Variants in NCOR1 observed in about 807,000 individuals in gnomAD.
The protein encoded by NCOR1 is protein phosphatase 1, regulatory subunit 109.
Under a neutral mutation model 288.1 loss-of-function variants are expected in NCOR1, and 63 were observed. The observed-to-expected ratio is 0.22, with a 90% CI of 0.18 to 0.27. The LOEUF (loss-of-function observed/expected upper bound fraction) is 0.27, where lower values mean the gene tolerates loss of function less well. Ranked by LOEUF, NCOR1 falls within the 10% of genes least tolerant of loss-of-function variation. NCOR1 has a pLI of 1.00. For synonymous variants in NCOR1, 1,007 were observed against 1,065.9 expected (o/e 0.94, Z 1.08); for missense variants, 2,397 against 3,019.2 (o/e 0.79, Z 4.83).
At chr17:16,070,802 G>A (rs753912844) in intron 30 of NCOR1, among the ~76,000 whole-genome samples, 1 of 152,148 alleles carries the variant, frequency 6.6e-6, no homozygotes, top group Non-Finnish European at 1.5e-5. Context: ...GGCTGAGGTG[G>A]GCAGATCACC....
intron 26 of NCOR1, among the ~76,000 whole-genome samples, chr17:16,079,252 G>A (rs983820436): frequency 6.6e-6 from 1 of 152,016 alleles, no homozygotes; most frequent in Non-Finnish European, 1.5e-5. Flanking sequence ...CCTGGTGTGG[G>A]GATCATACTT....
intron 1 of NCOR1, among the ~76,000 whole-genome samples, chr17:16,215,104 C>A (rs547691951): frequency 1.3e-5 from 2 of 152,312 alleles, no homozygotes; most frequent in East Asian, 3.9e-4. Context: ...AGCCCCGGCC[C>A]GGCCACAGCC....
chr17:16,140,489 C>A (rs1011225585), intron 11 of NCOR1, among the ~76,000 whole-genome samples: 2 of 152,052 alleles, frequency 1.3e-5, no homozygotes, highest in Non-Finnish European at 2.9e-5. Context: ...TATAGTGAGA[C>A]CCCATCTCTA....
chr17:16,073,551 T>G lies in NCOR1; in HGVS notation c.3689A>C (p.Glu1230Ala), dbSNP rs1475168914. 1 of 1,607,514 alleles carries G rather than the reference T, an allele frequency of 6.2e-7. No individual in the cohort carries two copies. ...LSYDNIKNAR[E>A]GTRSPRTAHE... Reference sequence around the variant, plus strand: ...AGCTGTTCTTGGACTCCTAGTCCCTTCTCGGGCATTCTTAATATCTACAGA... The same window carrying G: ...AGCTGTTCTTGGACTCCTAGTCCCTGCTCGGGCATTCTTAATATCTACAGA... Residue 1230 changes from glutamate to alanine, a missense_variant, in exon 28 of 46, where the codon GAA (glutamate) becomes GCA (alanine). By Grantham distance (107) the Glu-to-Ala change is moderately radical (BLOSUM62 -1). Around this residue, in one of 11 missense-constraint regions of NCOR1, gnomAD observed 1,872 missense variants for 2,187.8 expected, o/e 0.86. Transcript: ENST00000268712.
intron 23 of NCOR1, 93 bp from the exon 24 acceptor site, chr17:16,080,820 T>TAAA: frequency 1.2e-5 from 11 of 927,402 alleles, no homozygotes; most frequent in South Asian, 2.4e-5. Flanking sequence ...CATTTCTGTT[T>TAAA]AAAAAAAAAA....
chr17:16,069,513 T>C (rs1480361693), intron 31 of NCOR1, among the ~76,000 whole-genome samples: 3 of 152,222 alleles, frequency 2.0e-5, no homozygotes, highest in Non-Finnish European at 4.4e-5. Flanking sequence ...TAGGGACCAC[T>C]TGGTAAAAAT....
At chr17:16,114,210 C>T (rs1186346619) in intron 18 of NCOR1, among the ~76,000 whole-genome samples, 1 of 149,152 alleles carries the variant, frequency 6.7e-6, no homozygotes, top group African/African-American at 2.5e-5. Flanking sequence ...CAGTAGATCT[C>T]CTAAGACTTA....
At chr17:16,171,700 A>C in intron 4 of NCOR1, 103 bp downstream of exon 4, 2 of 1,083,652 alleles carry the variant, frequency 1.8e-6, no homozygotes, top group Non-Finnish European at 2.5e-6. Context: ...ACTAACCTTT[A>C]GAGACTGGTG....
chr17:16,072,738 T>C (rs1400815942), intron 28 of NCOR1, among the ~76,000 whole-genome samples: 1 of 152,216 alleles, frequency 6.6e-6, no homozygotes, highest in Non-Finnish European at 1.5e-5. Flanking sequence ...ACAGTAAAAG[T>C]GTGTGTTTTT....
intron 1 of NCOR1, among the ~76,000 whole-genome samples, chr17:16,195,246 G>A (rs916104803): frequency 7.9e-5 from 12 of 152,180 alleles, no homozygotes; most frequent in African/African-American, 2.9e-4. Context: ...TGAGGTAGGT[G>A]GATCACTTGA....
At chr17:16,058,191 T>C in intron 38 of NCOR1, 127 bp from the exon 39 acceptor site, 1 of 1,118,274 alleles carries the variant, frequency 8.9e-7, no homozygotes, top group Non-Finnish European at 1.2e-6. Context: ...AAAGAACTTA[T>C]CTTAATTTTG....
rs1055734310 is a variant in NCOR1 at position 16,213,379 on chromosome 17, G to A, written c.-71+1983C>T. Among the ~76,000 whole-genome samples the A allele has an allele frequency of 2.6e-5, 4 of 151,512 alleles. 1 individual carries two copies. Among genetic ancestry groups the A allele is most frequent in the African/African-American group, 9.7e-5 (4 of 41,170 alleles). On this transcript the variant is annotated intron_variant, in intron 1 of 45. Transcript: ENST00000268712. Reference sequence around the variant, plus strand: ...ATGGTGGCACGCGCCTGTAGTCCCAGCTACTCGGGAGGCTGAGGCAGAAGA... The same window carrying A: ...ATGGTGGCACGCGCCTGTAGTCCCAACTACTCGGGAGGCTGAGGCAGAAGA...
rs559608549 is a variant in NCOR1, at chr17:16,050,002, CACTT to C, written c.6393-1018_6393-1015del. On this transcript the variant is annotated intron_variant, in intron 40 of 45. Transcript: ENST00000268712. ...AACTCTTGGGCTCAAGTGGTCCTCT[CACTT>C]ACATCTCCCGAGTAACTGGGATTAC... Among the ~76,000 whole-genome samples the C allele has an allele frequency of 2.0e-3, 302 of 152,312 alleles. 2 individuals are homozygous for C. Among genetic ancestry groups the C allele is most frequent in the African/African-American group, 6.9e-3 (286 of 41,570 alleles).
At chr17:16,145,267 C>T (rs558557460) in intron 10 of NCOR1, among the ~76,000 whole-genome samples, 5 of 152,354 alleles carry the variant, frequency 3.3e-5, no homozygotes, top group African/African-American at 1.2e-4. Flanking sequence ...ACCTCCCAGC[C>T]GCCTGCCTTG....
At chr17:16,068,669 C>T (rs1262278784) in intron 31 of NCOR1, among the ~76,000 whole-genome samples, 1 of 152,072 alleles carries the variant, frequency 6.6e-6, no homozygotes, top group African/African-American at 2.4e-5. Flanking sequence ...GTCAGATTGT[C>T]CCACCAATAA....
At chr17:16,214,076 A>G (rs1030013903) in intron 1 of NCOR1, among the ~76,000 whole-genome samples, 2 of 152,220 alleles carry the variant, frequency 1.3e-5, no homozygotes, top group Non-Finnish European at 2.9e-5. Flanking sequence ...AAAAGAAAAA[A>G]AGATACAAGA....
intron 6 of NCOR1, among the ~76,000 whole-genome samples, chr17:16,156,244 T>G (rs549602850): frequency 6.6e-6 from 1 of 152,112 alleles, no homozygotes; most frequent in South Asian, 2.1e-4. Flanking sequence ...AAGACCAGCC[T>G]GGCCAACACG....
rs376035043 is a variant in NCOR1 at position 16,029,770 on chromosome 17, C to G, written c.*2526G>C. 1 of 152,456 alleles carries G rather than the reference C, an allele frequency of 6.6e-6. No homozygotes were observed. Among genetic ancestry groups the G allele is most frequent in the Non-Finnish European group, 1.5e-5 (1 of 68,266 alleles). 9.4% of individuals were successfully genotyped at this position (152,456 alleles called of 1,614,324 possible). On this transcript the variant is annotated 3_prime_UTR_variant, in exon 46 of 46. Transcript: ENST00000268712. Reference sequence around the variant, plus strand: ...CCTTTCATTTATTTTGAACCAAGAACTATTATTGGATTTTAACTCTCATTC... The same window carrying G: ...CCTTTCATTTATTTTGAACCAAGAAGTATTATTGGATTTTAACTCTCATTC...
chr17:16,041,585 T>A (rs2057660130), intron 42 of NCOR1, among the ~76,000 whole-genome samples: 1 of 151,398 alleles, frequency 6.6e-6, no homozygotes, highest in African/African-American at 2.4e-5. Flanking sequence ...CAGCTAATTT[T>A]TGTATTTTTA....
Sources: gnomAD v4.1 joint callset for allele counts (sites outside exome capture counted in the v4.1 genomes callset) on GRCh38, gnomAD v4.1.1 for gene constraint, gnomAD v4.1.1 regional missense constraint, MANE v1.5 for transcripts, NCBI Gene and HGNC (gene_info 2026-07-23, HGNC 2026-07-21) for gene names.